PEX7: variants seen among roughly 807,000 people sequenced by gnomAD.
The protein encoded by PEX7 is PTS2 receptor.
In PEX7, 34 loss-of-function variants were observed where a neutral mutation model predicts 47.5. The ratio of observed to expected loss-of-function variants is 0.72; its 90% CI spans 0.54 to 0.95. PEX7 has a LOEUF of 0.95. Ranked by LOEUF, PEX7 falls within the 40% of genes least tolerant of loss-of-function variation. PEX7 has a pLI of 0.00. For synonymous variants in PEX7, 141 were observed against 148.8 expected (o/e 0.95, Z 0.38); for missense variants, 394 against 400.3 (o/e 0.98, Z 0.13).
chr6:136,902,909 A>G (rs991192465), intron 9 of PEX7, among the ~76,000 whole-genome samples: 1 of 152,174 alleles, frequency 6.6e-6, no homozygotes, highest in Non-Finnish European at 1.5e-5. Flanking sequence ...TACCACTTTC[A>G]GATGTCGCTG....
intron 3 of PEX7, among the ~76,000 whole-genome samples, chr6:136,842,456 TGATTCAGGCTG>T (rs2115164558): frequency 6.6e-6 from 1 of 152,356 alleles, no homozygotes; most frequent in South Asian, 2.1e-4. Flanking sequence ...TCTTTGATGT[TGATTCAGGCTG>T]GATTCTCTTG....
At chr6:136,839,518 G>A (rs909966708) in intron 3 of PEX7, among the ~76,000 whole-genome samples, 1 of 152,076 alleles carries the variant, frequency 6.6e-6, no homozygotes, top group Non-Finnish European at 1.5e-5. Flanking sequence ...CATTTTCCTG[G>A]TTAATTTTCT....
chr6:136,854,042 C>G (rs915101133), intron 5 of PEX7, among the ~76,000 whole-genome samples: 1 of 149,240 alleles, frequency 6.7e-6, no homozygotes, highest in South Asian at 2.2e-4. Context: ...AAGCCTGCAT[C>G]CTTCTTTGGT....
intron 8 of PEX7, among the ~76,000 whole-genome samples, chr6:136,885,194 G>GT (rs1233419535): frequency 6.6e-6 from 1 of 152,150 alleles, no homozygotes; most frequent in African/African-American, 2.4e-5. Flanking sequence ...AGCATTCCGT[G>GT]TCTTCCACAT....
chr6:136,826,332 G>A lies in PEX7; in HGVS notation c.202G>A (p.Asp68Asn). 1 of 1,613,994 alleles carries A rather than the reference G, an allele frequency of 6.2e-7. No homozygotes were observed. Among genetic ancestry groups the A allele is most frequent in the Admixed American group, 1.7e-5 (1 of 60,004 alleles). ...LRLFRSFDWN[D>N]GLFDVTWSEN... Reference sequence around the variant, plus strand: ...TTCCTAGTGTAGCTTTGACTGGAATGATGGTTTGTTTGATGTGACTTGGAG... The same window carrying A: ...TTCCTAGTGTAGCTTTGACTGGAATAATGGTTTGTTTGATGTGACTTGGAG... Residue 68 changes from aspartate (D) to asparagine (N), a missense_variant, in exon 3 of 10, where the codon GAT becomes AAT. Coordinates refer to ENST00000318471, the MANE Select transcript of PEX7 (RefSeq NM_000288.4).
intron 9 of PEX7, among the ~76,000 whole-genome samples, chr6:136,903,336 C>CTT (rs552573661): frequency 0.013 from 1,619 of 126,292 alleles, 30 homozygotes; most frequent in Non-Finnish European, 0.016. Flanking sequence ...CTTTCTTTCT[C>CTT]TTTTTTTTTT....
chr6:136,888,969 C>T (rs900745103), intron 8 of PEX7, among the ~76,000 whole-genome samples: 5 of 152,058 alleles, frequency 3.3e-5, no homozygotes, highest in African/African-American at 1.2e-4. Flanking sequence ...CATTTGGGAC[C>T]ATCGCGTTTG....
chr6:136,862,381 T>G (rs1161336762), intron 5 of PEX7, among the ~76,000 whole-genome samples: 2 of 151,666 alleles, frequency 1.3e-5, no homozygotes, highest in Non-Finnish European at 2.9e-5. Flanking sequence ...CCTGGCCATA[T>G]TTTTACGTTT....
chr6:136,887,129 A>G (rs1359287860), intron 8 of PEX7, among the ~76,000 whole-genome samples: 1 of 152,166 alleles, frequency 6.6e-6, no homozygotes, highest in East Asian at 1.9e-4. Context: ...CCCCTAAATT[A>G]TTATGTATTA....
At chr6:136,843,928 T>C (rs1001503721) in intron 3 of PEX7, among the ~76,000 whole-genome samples, 1 of 152,190 alleles carries the variant, frequency 6.6e-6, no homozygotes, top group Non-Finnish European at 1.5e-5. Context: ...AAAAACTTGA[T>C]AATCAAGATA....
intron 9 of PEX7, among the ~76,000 whole-genome samples, chr6:136,910,161 A>G (rs1196681034): frequency 6.6e-6 from 1 of 152,204 alleles, no homozygotes; most frequent in Non-Finnish European, 1.5e-5. Flanking sequence ...GAACATGAGG[A>G]CAGAGTTAAC....
intron 9 of PEX7, among the ~76,000 whole-genome samples, chr6:136,898,828 CT>C: frequency 6.6e-6 from 1 of 151,832 alleles, no homozygotes; most frequent in Admixed American, 6.5e-5. Flanking sequence ...TTAAAAAAGC[CT>C]TTTCATTTTA....
intron 3 of PEX7, among the ~76,000 whole-genome samples, chr6:136,832,837 G>T (rs1042408837): frequency 2.0e-5 from 3 of 152,122 alleles, no homozygotes; most frequent in African/African-American, 7.2e-5. Flanking sequence ...CAGTAAGTTC[G>T]TCATCTCTAT....
intron 5 of PEX7, among the ~76,000 whole-genome samples, chr6:136,860,639 C>G (rs1258011795): frequency 1.3e-5 from 2 of 148,662 alleles, no homozygotes; most frequent in Admixed American, 1.4e-4. Context: ...GCATGTTGTG[C>G]ACATGTACCC....
intron 3 of PEX7, among the ~76,000 whole-genome samples, chr6:136,837,410 A>G (rs1211782206): frequency 2.0e-5 from 3 of 149,060 alleles, no homozygotes; most frequent in Admixed American, 6.7e-5. Flanking sequence ...GAAAAGCGTT[A>G]TGAGAATAAA....
intron 8 of PEX7, among the ~76,000 whole-genome samples, 164 bp downstream of exon 8, chr6:136,872,417 G>A (rs1006500026): frequency 1.3e-4 from 19 of 151,812 alleles, no homozygotes; most frequent in African/African-American, 4.1e-4. Flanking sequence ...TCCTGTTTTC[G>A]TGATCCAGTC....
At chr6:136,822,956 C>T (rs953262478) in intron 1 of PEX7, 161 bp downstream of exon 1, 20 of 985,384 alleles carry the variant, frequency 2.0e-5, no homozygotes, top group African/African-American at 7.0e-5. Flanking sequence ...CTTCTCCTTT[C>T]TTTGCCGAGT....
At chr6:136,855,947 T>C (rs1161445439) in intron 5 of PEX7, 2 of 205,122 alleles carry the variant, frequency 9.8e-6, no homozygotes, top group Non-Finnish European at 2.0e-5. Flanking sequence ...GAATTGTGTG[T>C]ATTAGCCCTT....
chr6:136,864,038 C>T (rs938075341), intron 5 of PEX7, among the ~76,000 whole-genome samples: 8 of 152,100 alleles, frequency 5.3e-5, no homozygotes, highest in African/African-American at 1.9e-4. Context: ...GTTCTGGTTC[C>T]AGGTCCTGGT....
Sources: gnomAD v4.1 joint callset for allele counts (sites outside exome capture counted in the v4.1 genomes callset) on GRCh38, gnomAD v4.1.1 for gene constraint, MANE v1.5 for transcripts, NCBI Gene and HGNC (gene_info 2026-07-23, HGNC 2026-07-21) for gene names.